The following ADGRB1 variants were observed in gnomAD, a reference collection of about 807,000 sequenced individuals.
ADGRB1 encodes the protein adhesion G protein-coupled receptor B1.
Under a neutral mutation model 175.7 loss-of-function variants are expected in ADGRB1, and 36 were observed. The ratio of observed to expected loss-of-function variants is 0.20; its 90% CI spans 0.16 to 0.27. The LOEUF is 0.27. ADGRB1 is among the 10% of genes least tolerant of loss of function. The pLI is 1.00. For missense variants in ADGRB1, 1,731 were observed against 2,255.3 expected, an observed-to-expected ratio of 0.77 and a Z score of 4.71; for synonymous variants, 1,054 against 979.4, an observed-to-expected ratio of 1.08 and a Z score of -1.42.
chr8:142,543,632 A>G lies in ADGRB1; in HGVS notation c.4481A>G (p.Asp1494Gly). ...ATGCACACCCGGAAGCGGCACCAAG[A>G]CATGTTCCAGGACCTGAACCGGAAG... is the stretch of plus-strand genomic sequence containing the variant. ...KIMHTRKRHQ[D>G]MFQDLNRKLQ... Residue 1494 changes from aspartate to glycine, a missense_variant, in exon 30 of 31, where the codon GAC (aspartate) becomes GGC (glycine). Asp to Gly is a moderately conservative substitution (Grantham distance 94, BLOSUM62 -1). This residue lies in a region of ADGRB1 where 394 missense variants were observed against 410.2 expected (regional missense o/e 0.96). Transcript: ENST00000517894. This position sits in a 1 kb window ranked among gnomAD's most constrained non-coding sequence, Gnocchi z 4.4. 6.4e-7 allele frequency: 1 copy of G among 1,569,942 alleles called. No individual in the cohort carries two copies. Among genetic ancestry groups the G allele is most frequent in the Admixed American group, 1.9e-5 (1 of 53,392 alleles).
intron 17 of ADGRB1, among the ~76,000 whole-genome samples, chr8:142,507,029 C>T (rs961671286): frequency 1.1e-4 from 16 of 152,210 alleles, no homozygotes; most frequent in Admixed American, 9.8e-4. Context: ...GGCAGCCAGA[C>T]ACATAAAAAC....
Position 142,492,142 on chromosome 8 carries a change from C to T in ADGRB1, c.2675+1327C>T, listed in dbSNP as rs767986533. On this transcript the variant is annotated intron_variant, in intron 17 of 30. Transcript: ENST00000517894. This position sits in a 1 kb window ranked among gnomAD's most constrained non-coding sequence, Gnocchi z 4.4. ...CTGCCACCACCCTCCACCCACCAAC[C>T]ATCAACCCTCTCCTTCGTCCACCTG... 6.6e-6 allele frequency among the ~76,000 whole-genome samples: 1 copy of T among 152,062 alleles called. No individual in the cohort carries two copies. The highest frequency in any genetic ancestry group is 2.1e-4 in the South Asian group (1 of 4,824).
intron 17 of ADGRB1, among the ~76,000 whole-genome samples, chr8:142,494,975 C>T (rs576139499): frequency 2.6e-5 from 4 of 152,260 alleles, no homozygotes; most frequent in African/African-American, 9.6e-5. Flanking sequence ...CCACAGGTGT[C>T]TCTACTGGAG....
At chr8:142,497,193 G>A (rs1022686471) in intron 17 of ADGRB1, among the ~76,000 whole-genome samples, 1 of 152,222 alleles carries the variant, frequency 6.6e-6, no homozygotes, top group African/African-American at 2.4e-5. Context: ...TTCCCATCTG[G>A]CCTGTGCGGG....
rs543806746 is a variant in ADGRB1 at position 142,469,274 on chromosome 8, C to T, written c.784+4292C>T. On this transcript the variant is annotated intron_variant, in intron 2 of 30. Coordinates refer to ENST00000517894, the MANE Select transcript of ADGRB1 (RefSeq NM_001702.3). ...ATGTGTGTGAATGTGTGTGCACGTG[C>T]AGGTGAGTGAATGTGTGTGCACGCG... Among the ~76,000 whole-genome samples the T allele has an allele frequency of 2.1e-4, 30 of 144,380 alleles. 1 individual carries two copies. In the South Asian group the frequency reaches 6.7e-3, roughly 32 times the overall value. 94.7% of individuals were successfully genotyped at this position (144,380 alleles called of 152,430 possible). A position where few individuals can be genotyped will look rare whatever the true frequency, so the allele number is the denominator to read the frequency against.
intron 17 of ADGRB1, among the ~76,000 whole-genome samples, chr8:142,502,404 GGT>G (rs1842640176): frequency 1.1e-5 from 1 of 88,858 alleles, no homozygotes. Context: ...TGGTGATGGT[GGT>G]GGTGGTGGTG....
In ADGRB1 at chr8:142,453,006, C is replaced by G. The variant is rs1342904375; in HGVS notation, c.-220+2902C>G. Among the ~76,000 whole-genome samples the G allele has an allele frequency of 4.7e-4, 70 of 147,618 alleles. 1 individual carries two copies. In the East Asian group the frequency reaches 0.013, roughly 28 times the overall value. ...GCGGCTCCGGCCCCATCTTGGGCAGCCCCGGCCGCCACCTCCCTCCCGCCC... is the reference window on the plus strand; with the variant it reads ...GCGGCTCCGGCCCCATCTTGGGCAGGCCCGGCCGCCACCTCCCTCCCGCCC... On this transcript the variant is annotated intron_variant, in intron 1 of 30. Coordinates refer to ENST00000517894, the MANE Select transcript of ADGRB1 (RefSeq NM_001702.3).
At chr8:142,454,001 G>T (rs1052463580) in intron 1 of ADGRB1, among the ~76,000 whole-genome samples, 2 of 152,170 alleles carry the variant, frequency 1.3e-5, no homozygotes, top group Admixed American at 6.5e-5. Context: ...CTGCAGAGGG[G>T]TCCGGACCAG....
At chr8:142,529,015 C>A (rs188251323) in intron 24 of ADGRB1, among the ~76,000 whole-genome samples, 1 of 152,348 alleles carries the variant, frequency 6.6e-6, no homozygotes, top group African/African-American at 2.4e-5. Flanking sequence ...GTTGAACCTC[C>A]ACCCCCACCC....
intron 9 of ADGRB1, 147 bp downstream of exon 9, chr8:142,479,941 G>C: frequency 2.4e-6 from 2 of 832,442 alleles, no homozygotes; most frequent in Non-Finnish European, 3.6e-6. Context: ...GTGGGGCCGC[G>C]AGCCCAGGGC....
intron 19 of ADGRB1, among the ~76,000 whole-genome samples, chr8:142,519,605 AGTGATGGTGGTG>A (rs1258945748): frequency 4.7e-5 from 4 of 85,300 alleles, no homozygotes; most frequent in East Asian, 3.8e-4. Flanking sequence ...TGGTGATGGT[AGTGATGGTGGTG>A]GTGATGGTGG....
chr8:142,461,185 C>T (rs1839951357), intron 1 of ADGRB1, among the ~76,000 whole-genome samples: 1 of 152,212 alleles, frequency 6.6e-6, no homozygotes, highest in Non-Finnish European at 1.5e-5. Flanking sequence ...CGGTGACCCG[C>T]AGGCCTGAGC....
intron 19 of ADGRB1, among the ~76,000 whole-genome samples, chr8:142,519,621 ATGG>A (rs757539268): frequency 8.3e-4 from 99 of 119,394 alleles, no homozygotes; most frequent in African/African-American, 1.1e-3. Context: ...GGTGGTGGTG[ATGG>A]TGGTGGTGGT....
At chr8:142,502,468 C>G (rs111795458) in intron 17 of ADGRB1, among the ~76,000 whole-genome samples, 7,054 of 7,154 alleles carry the variant, frequency 0.99, 3,503 homozygotes, top group Middle Eastern at 1. Context: ...GTGCAGTCAT[C>G]ACTGTGGTTT....
intron 13 of ADGRB1, among the ~76,000 whole-genome samples, chr8:142,485,337 A>G (rs1477711554): frequency 6.6e-6 from 1 of 152,228 alleles, no homozygotes; most frequent in Non-Finnish European, 1.5e-5. Flanking sequence ...CAGTGCCCTC[A>G]AATATCTCTC....
At chr8:142,503,430 C>A (rs1047818291) in intron 17 of ADGRB1, among the ~76,000 whole-genome samples, 2 of 152,096 alleles carry the variant, frequency 1.3e-5, no homozygotes, top group Admixed American at 6.5e-5. Flanking sequence ...AGAGACTGTG[C>A]TGGCCCTTTG....
At chr8:142,527,431 C>T (rs183631582) in intron 24 of ADGRB1, among the ~76,000 whole-genome samples, 1 of 152,302 alleles carries the variant, frequency 6.6e-6, no homozygotes, top group East Asian at 1.9e-4. Context: ...CTGGCTCCTC[C>T]TGCTGTCCCC....
intron 17 of ADGRB1, among the ~76,000 whole-genome samples, chr8:142,494,659 C>G (rs925195638): frequency 6.6e-6 from 1 of 151,710 alleles, no homozygotes; most frequent in Non-Finnish European, 1.5e-5. Context: ...CTCTGTAAAC[C>G]CTGAGCCCTA....
intron 19 of ADGRB1, among the ~76,000 whole-genome samples, chr8:142,519,130 C>G (rs1248762983): frequency 6.6e-6 from 1 of 152,126 alleles, no homozygotes; most frequent in African/African-American, 2.4e-5. Context: ...TTTCCTCTTC[C>G]CGGGACCTGC....
Sources: allele counts gnomAD v4.1 joint callset (sites outside exome capture counted in the v4.1 genomes callset), GRCh38; gene constraint gnomAD v4.1.1; regional missense constraint gnomAD v4.1.1; non-coding constraint Gnocchi (gnomAD v3.1); transcripts MANE v1.5; gene names NCBI Gene and HGNC (gene_info 2026-07-23, HGNC 2026-07-21).